Variants in CCL28 observed in about 807,000 individuals in gnomAD.
CCL28 encodes C-C motif chemokine ligand 28, also known as C-C motif chemokine 28.
In CCL28, 4 loss-of-function variants were observed where a neutral mutation model predicts 7.1. That is an observed-to-expected ratio of 0.56 (90% CI 0.28 to 1.29). CCL28 has a LOEUF of 1.29. CCL28 is among the 50% of genes most tolerant of loss of function. CCL28 has a pLI of 0.11. For missense variants in CCL28, 151 were observed against 163.4 expected, an observed-to-expected ratio of 0.92 and a Z score of 0.41; for synonymous variants, 55 against 57.8, an observed-to-expected ratio of 0.95 and a Z score of 0.22.
At chr5:43,392,909 T>C (rs1157646576) in intron 1 of CCL28, among the ~76,000 whole-genome samples, 3 of 152,214 alleles carry the variant, frequency 2.0e-5, no homozygotes, top group Non-Finnish European at 4.4e-5. Flanking sequence ...GTGTATCTTT[T>C]AACTTTGAAG....
chr5:43,408,995 A>C (rs1307700284), intron 1 of CCL28, among the ~76,000 whole-genome samples: 1 of 151,912 alleles, frequency 6.6e-6, no homozygotes, highest in Non-Finnish European at 1.5e-5. Flanking sequence ...GGCTCAAGCA[A>C]TCTTTCTGCC....
downstream of CCL28, among the ~76,000 whole-genome samples, chr5:43,378,843 C>T (rs936287031): frequency 3.9e-5 from 6 of 152,062 alleles, no homozygotes; most frequent in African/African-American, 1.4e-4. Flanking sequence ...CACCTGTAGT[C>T]CCAGCTACTT....
At chr5:43,390,128 T>A (rs1740513844) in intron 1 of CCL28, among the ~76,000 whole-genome samples, 15 of 152,218 alleles carry the variant, frequency 9.9e-5, no homozygotes, top group Admixed American at 9.8e-4. Context: ...CATAGTTTTG[T>A]TCAGATGATA....
intron 1 of CCL28, among the ~76,000 whole-genome samples, chr5:43,404,520 G>A (rs1741183130): frequency 6.6e-6 from 1 of 152,146 alleles, no homozygotes; most frequent in African/African-American, 2.4e-5. Flanking sequence ...ACTAAACATG[G>A]AAAGAAAGAA....
intron 1 of CCL28, among the ~76,000 whole-genome samples, chr5:43,409,295 G>A (rs1228992981): frequency 6.6e-6 from 1 of 152,072 alleles, no homozygotes; most frequent in Non-Finnish European, 1.5e-5. Flanking sequence ...GTGTGGTGGT[G>A]CACGCTTCTA....
At chr5:43,400,629 T>C (rs977147745) in intron 1 of CCL28, among the ~76,000 whole-genome samples, 1 of 152,058 alleles carries the variant, frequency 6.6e-6, no homozygotes, top group Non-Finnish European at 1.5e-5. Flanking sequence ...TGATTAGAAA[T>C]GCAATTTGAA....
chr5:43,360,891 C>T, the CCL28 span, among the ~76,000 whole-genome samples: 1 of 152,060 alleles, frequency 6.6e-6, no homozygotes, highest in Admixed American at 6.6e-5. Flanking sequence ...TAAGTAAACA[C>T]ATGCCATGGT....
chr5:43,379,042 T>A (rs1290913789), downstream of CCL28, among the ~76,000 whole-genome samples: 1 of 152,198 alleles, frequency 6.6e-6, no homozygotes, highest in African/African-American at 2.4e-5. Context: ...ATTATTTGCG[T>A]GGCAGAAAAA....
intron 1 of CCL28, among the ~76,000 whole-genome samples, chr5:43,402,820 C>T (rs528714170): frequency 1.4e-4 from 22 of 152,352 alleles, no homozygotes; most frequent in East Asian, 5.8e-4. Flanking sequence ...CCTAATACTG[C>T]GCTTTTCCAA....
chr5:43,407,193 A>C (rs1741317387), intron 1 of CCL28, among the ~76,000 whole-genome samples: 1 of 152,198 alleles, frequency 6.6e-6, no homozygotes, highest in Admixed American at 6.5e-5. Flanking sequence ...AGACAATCCT[A>C]AGCAAAACAG....
chr5:43,383,717 C>T (rs980168401), intron 2 of CCL28, among the ~76,000 whole-genome samples: 1 of 152,164 alleles, frequency 6.6e-6, no homozygotes, highest in Non-Finnish European at 1.5e-5. Context: ...GGCACTGAAG[C>T]TCCTACCCTT....
chr5:43,406,979 A>C (rs1238349388), intron 1 of CCL28, among the ~76,000 whole-genome samples: 1 of 152,374 alleles, frequency 6.6e-6, no homozygotes, highest in East Asian at 1.9e-4. Context: ...CCACTGCTCA[A>C]TGAAATAAAA....
At chr5:43,408,087 T>C (rs801918) in intron 1 of CCL28, among the ~76,000 whole-genome samples, 1 of 152,220 alleles carries the variant, frequency 6.6e-6, no homozygotes, top group Non-Finnish European at 1.5e-5. Context: ...TGTGGTGATT[T>C]CTCAAGGATC....
downstream of CCL28, among the ~76,000 whole-genome samples, chr5:43,375,838 C>G (rs1047685935): frequency 1.4e-5 from 2 of 145,650 alleles, 1 homozygote; most frequent in South Asian, 4.4e-4. Flanking sequence ...GCCAACTACT[C>G]GGGAGGCTGA....
At chr5:43,395,888 G>A (rs1390018763) in intron 1 of CCL28, among the ~76,000 whole-genome samples, 5 of 130,218 alleles carry the variant, frequency 3.8e-5, no homozygotes, top group Non-Finnish European at 7.9e-5. Context: ...TTGAGACGGA[G>A]TATCGCTCTG....
At chr5:43,371,062 CCTT>C in the CCL28 span, among the ~76,000 whole-genome samples, 6 of 152,216 alleles carry the variant, frequency 3.9e-5, no homozygotes, top group South Asian at 4.1e-4. Context: ...TTTCTTTTCT[CCTT>C]CTTCTTTTTT....
chr5:43,361,359 A>C, the CCL28 span, among the ~76,000 whole-genome samples: 69 of 152,178 alleles, frequency 4.5e-4, 1 homozygote, highest in African/African-American at 1.6e-3. Flanking sequence ...ATGGTCTTTC[A>C]TTGTGGTTTT....
At chr5:43,361,538 G>A in the CCL28 span, among the ~76,000 whole-genome samples, 1 of 152,076 alleles carries the variant, frequency 6.6e-6, no homozygotes, top group African/African-American at 2.4e-5. Flanking sequence ...AAGTGCTTTT[G>A]GCATCTTCAT....
chr5:43,390,933 T>A lies in CCL28; in HGVS notation c.65-2457A>T, dbSNP rs146167526. On this transcript the variant is annotated intron_variant, in intron 1 of 2. Transcript: ENST00000361115. ...AGTTCCATGGGTAGCATCTGATGTG[T>A]CTATGCAGTGAATTGAAATCAGTAT... Among the ~76,000 whole-genome samples the A allele has an allele frequency of 1.8e-4, 28 of 152,322 alleles. No homozygotes were observed. In the East Asian group the frequency reaches 5.2e-3, roughly 28 times the overall value.
Sources: gnomAD v4.1 joint callset for allele counts (sites outside exome capture counted in the v4.1 genomes callset) on GRCh38, gnomAD v4.1.1 for gene constraint, MANE v1.5 for transcripts, NCBI Gene and HGNC (gene_info 2026-07-23, HGNC 2026-07-21) for gene names.